NR6A1: variants seen among roughly 807,000 people sequenced by gnomAD.
NR6A1 encodes the protein nuclear receptor subfamily 6 group A member 1.
Under a neutral mutation model 59.1 loss-of-function variants are expected in NR6A1, and 7 were observed. That is an observed-to-expected ratio of 0.12 (90% CI 0.07 to 0.22). The LOEUF (loss-of-function observed/expected upper bound fraction) is 0.22. NR6A1 is among the 10% of genes least tolerant of loss of function. The pLI is 1.00. For missense variants in NR6A1, 468 were observed against 611.6 expected (o/e 0.77, Z 2.48); for synonymous variants, 243 against 236.1 (o/e 1.03, Z -0.27).
rs933665644 is a variant in NR6A1, at chr9:124,680,545, T to C, written c.142+52763A>G. 1.3e-4 allele frequency among the ~76,000 whole-genome samples: 20 copies of C among 152,310 alleles called. 2 individuals carry two copies. Among genetic ancestry groups the C allele is most frequent in the Middle Eastern group, 3.4e-3 (1 of 294 alleles). ...TCGCTAAATATTTAGGCAATAAGCA[T>C]TGATAGATCAACCTTTATTGAGCTC... On this transcript the variant is annotated intron_variant, in intron 2 of 9. Transcript: ENST00000487099.
At chr9:124,595,644 A>G (rs987642367) in intron 2 of NR6A1, 2 of 496,280 alleles carry the variant, frequency 4.0e-6, no homozygotes, top group Non-Finnish European at 7.4e-6. Flanking sequence ...GACACAAAAA[A>G]AACAGTTGCC....
chr9:124,599,543 G>T, intron 2 of NR6A1: 1 of 655,688 alleles, frequency 1.5e-6, no homozygotes, highest in Non-Finnish European at 2.4e-6. Flanking sequence ...CTCAATGGAA[G>T]TATCGTGGTC....
At chr9:124,689,596 A>G (rs1329537779) in intron 2 of NR6A1, among the ~76,000 whole-genome samples, 2 of 152,202 alleles carry the variant, frequency 1.3e-5, no homozygotes, top group African/African-American at 4.8e-5. Context: ...GTGTGCAGGA[A>G]GGGCAAGTGC....
intron 2 of NR6A1, among the ~76,000 whole-genome samples, chr9:124,634,926 T>G (rs1460360800): frequency 6.6e-6 from 1 of 152,150 alleles, no homozygotes; most frequent in African/African-American, 2.4e-5. Context: ...CACATATGCA[T>G]GACCTCCCCT....
rs200630959 is a variant in NR6A1 at position 124,524,879 on chromosome 9, GAAA to G, written c.1202-9_1202-7del. ...ACTGGTCAGACCCCTGATATCTGTG[GAAA>G]AAAAAAAAACACACACACACATACA... On this transcript the variant is annotated splice_polypyrimidine_tract_variant and splice_region_variant and intron_variant, in intron 8 of 9. Coordinates refer to ENST00000487099, the MANE Select transcript of NR6A1 (RefSeq NM_033334.4). 3.0e-6 allele frequency: 4 copies of G among 1,334,942 alleles called. No individual in the cohort carries two copies. The highest frequency in any genetic ancestry group is 1.6e-5 in the African/African-American group (1 of 62,084). 82.7% of individuals were successfully genotyped at this position (1,334,942 alleles called of 1,614,324 possible).
At chr9:124,770,554 T>C (rs575382127) in intron 1 of NR6A1, among the ~76,000 whole-genome samples, 322 of 147,162 alleles carry the variant, frequency 2.2e-3, no homozygotes, top group Middle Eastern at 0.017. Flanking sequence ...AAAGAGAGGC[T>C]CTGCGTTAAG....
intron 5 of NR6A1, among the ~76,000 whole-genome samples, chr9:124,538,636 G>A (rs959590530): frequency 1.3e-5 from 2 of 152,126 alleles, no homozygotes; most frequent in African/African-American, 4.8e-5. Context: ...ACAGATACTT[G>A]TAGACTATGA....
intron 1 of NR6A1, among the ~76,000 whole-genome samples, chr9:124,753,195 A>G (rs1840554476): frequency 1.3e-5 from 2 of 152,232 alleles, no homozygotes; most frequent in African/African-American, 4.8e-5. Flanking sequence ...TTCTGATTAC[A>G]TCAGAAGAAA....
chr9:124,602,541 G>A (rs888505159), intron 2 of NR6A1, among the ~76,000 whole-genome samples: 1 of 152,186 alleles, frequency 6.6e-6, no homozygotes, highest in African/African-American at 2.4e-5. Context: ...TTCTCCTTTG[G>A]TGCTCCTATA....
intron 3 of NR6A1, among the ~76,000 whole-genome samples, chr9:124,548,053 T>G (rs1341746397): frequency 7.0e-6 from 1 of 142,126 alleles, no homozygotes; most frequent in African/African-American, 2.7e-5. Context: ...CTCAAATGGC[T>G]AAGAAGGTGC....
chr9:124,706,803 A>G (rs1382119135), intron 2 of NR6A1, among the ~76,000 whole-genome samples: 1 of 152,178 alleles, frequency 6.6e-6, no homozygotes, highest in Non-Finnish European at 1.5e-5. Flanking sequence ...GGCGTGAGCC[A>G]CCTCGCCCGG....
intron 2 of NR6A1, among the ~76,000 whole-genome samples, chr9:124,654,716 AC>A (rs1837199942): frequency 6.6e-6 from 1 of 151,938 alleles, no homozygotes; most frequent in Non-Finnish European, 1.5e-5. Context: ...TCACCACACT[AC>A]CCTATTTTCT....
chr9:124,770,977 G>C (rs1004882800), intron 1 of NR6A1, 43 bp downstream of exon 1: 2 of 1,085,890 alleles, frequency 1.8e-6, no homozygotes. Context: ...GGCTCAGGAA[G>C]CCGGTTCCTG....
chr9:124,754,013 GC>G (rs2131179654), intron 1 of NR6A1, among the ~76,000 whole-genome samples: 1 of 152,260 alleles, frequency 6.6e-6, no homozygotes, highest in South Asian at 2.1e-4. Flanking sequence ...ACAAGTCCAA[GC>G]CAAAATAAAG....
intron 2 of NR6A1, among the ~76,000 whole-genome samples, chr9:124,685,157 T>C (rs1838291642): frequency 6.6e-6 from 1 of 152,232 alleles, no homozygotes; most frequent in Non-Finnish European, 1.5e-5. Context: ...ATATTTAGCC[T>C]AAATAAGAGA....
chr9:124,614,195 T>A (rs767674110), intron 2 of NR6A1, among the ~76,000 whole-genome samples: 20 of 152,110 alleles, frequency 1.3e-4, no homozygotes, highest in Non-Finnish European at 2.5e-4. Context: ...GAGAGGGCTA[T>A]GCAGAGAGAG....
intron 2 of NR6A1, among the ~76,000 whole-genome samples, chr9:124,558,634 T>C (rs1002486137): frequency 6.6e-6 from 1 of 152,172 alleles, no homozygotes; most frequent in African/African-American, 2.4e-5. Flanking sequence ...CTAAACAAGG[T>C]GCCCTCAACA....
chr9:124,632,348 A>G (rs1465271416), intron 2 of NR6A1, among the ~76,000 whole-genome samples: 1 of 152,140 alleles, frequency 6.6e-6, no homozygotes, highest in East Asian at 1.9e-4. Context: ...TGACTTTTTA[A>G]TAACAGCCAT....
Position 124,554,488 on chromosome 9 carries a change from G to C in NR6A1, c.225C>G (p.Ile75Met), listed in dbSNP as rs773464212. ...AAAACCCTTTGCAGCCCTCACAGGA[G>C]ATGATCCCATAGTGCAAGCCTGTAG... The part of the protein sequence containing the change: ...DRATGLHYGI[I>M]SCEGCKGFFK... The change falls in exon 3 of 10, where the codon ATC (isoleucine) becomes ATG (methionine). Residue 75 changes from isoleucine to methionine, a missense_variant. By Grantham distance (10) the Ile-to-Met change is conservative. Transcript: ENST00000487099. 2.5e-6 allele frequency: 4 copies of C among 1,614,196 alleles called. No individual in the cohort carries two copies. The Admixed American group carries it at 6.7e-5, about 27-fold the overall frequency.
Sources: gnomAD v4.1 joint callset for allele counts (sites outside exome capture counted in the v4.1 genomes callset) on GRCh38, gnomAD v4.1.1 for gene constraint, MANE v1.5 for transcripts, NCBI Gene and HGNC (gene_info 2026-07-23, HGNC 2026-07-21) for gene names.